NAALADL2: variants seen among roughly 807,000 people sequenced by gnomAD.
NAALADL2 encodes N-acetylated alpha-linked acidic dipeptidase like 2.
In NAALADL2, 76 loss-of-function variants were observed where a neutral mutation model predicts 87.2. That is an observed-to-expected ratio of 0.87 (90% CI 0.72 to 1.05). The LOEUF is 1.05. Ranked by LOEUF, NAALADL2 falls within the 50% of genes least tolerant of loss-of-function variation. The probability of loss-of-function intolerance (pLI) is 0.00; values close to 1 mark genes in which losing one functional copy is unlikely to be tolerated. For missense variants in NAALADL2, 1,089 were observed against 945.8 expected, an observed-to-expected ratio of 1.15 and a Z score of -1.99; for synonymous variants, 354 against 331.0, an observed-to-expected ratio of 1.07 and a Z score of -0.75.
chr3:175,462,021 T>C (rs1218406271), intron 6 of NAALADL2, among the ~76,000 whole-genome samples: 6 of 152,136 alleles, frequency 3.9e-5, no homozygotes, highest in Non-Finnish European at 7.4e-5. Context: ...GATACTATCA[T>C]GATGGATATA....
intron 1 of NAALADL2, among the ~76,000 whole-genome samples, chr3:174,997,058 ATTTTT>A (rs200338062): frequency 7.9e-5 from 10 of 125,970 alleles, no homozygotes; most frequent in South Asian, 2.5e-4. Flanking sequence ...ATATATATAT[ATTTTT>A]TTTTTTAATC....
At chr3:174,570,173 T>A (rs886972640) in intron 2 of NAALADL2, among the ~76,000 whole-genome samples, 4 of 152,114 alleles carry the variant, frequency 2.6e-5, no homozygotes, top group Admixed American at 6.6e-5. Context: ...TTTTTTTGTA[T>A]CTCTGTTCCA....
chr3:175,338,120 T>C (rs952551557), intron 5 of NAALADL2, among the ~76,000 whole-genome samples: 1 of 152,150 alleles, frequency 6.6e-6, no homozygotes, highest in Admixed American at 6.6e-5. Flanking sequence ...GACTAAATTG[T>C]CATGCTTTAG....
At chr3:175,619,269 A>AG (rs1725847229) in intron 10 of NAALADL2, among the ~76,000 whole-genome samples, 1 of 80,802 alleles carries the variant, frequency 1.2e-5, no homozygotes, top group African/African-American at 4.3e-5. Context: ...GGAAGGAAGG[A>AG]GAAGGAAAGA....
At chr3:174,707,581 G>A (rs1730215877) in intron 2 of NAALADL2, among the ~76,000 whole-genome samples, 1 of 149,568 alleles carries the variant, frequency 6.7e-6, no homozygotes, top group African/African-American at 2.5e-5. Flanking sequence ...TCACTCATAG[G>A]TGGGAATTGA....
chr3:174,846,988 A>G (rs369574955), intron 3 of NAALADL2, among the ~76,000 whole-genome samples: 2 of 152,194 alleles, frequency 1.3e-5, no homozygotes, highest in Non-Finnish European at 2.9e-5. Context: ...ATAGAGTTCA[A>G]TGACAGTTAG....
intron 2 of NAALADL2, among the ~76,000 whole-genome samples, chr3:175,188,880 G>T (rs890846585): frequency 1.1e-4 from 16 of 148,484 alleles, no homozygotes; most frequent in Admixed American, 6.0e-4. Flanking sequence ...GCTATGCCCT[G>T]ATCTCCAGGA....
At chr3:174,897,300 G>A (rs1731667249) in intron 1 of NAALADL2, among the ~76,000 whole-genome samples, 1 of 151,820 alleles carries the variant, frequency 6.6e-6, no homozygotes, top group East Asian at 1.9e-4. Context: ...ATTATATAAG[G>A]AGCTCAAACA....
chr3:175,747,401 C>T (rs540983435), intron 12 of NAALADL2, among the ~76,000 whole-genome samples: 1 of 152,276 alleles, frequency 6.6e-6, no homozygotes, highest in South Asian at 2.1e-4. Context: ...TTTTCCTACT[C>T]TTCCATCATA....
At chr3:175,589,682 C>T (rs1266073017) in intron 10 of NAALADL2, among the ~76,000 whole-genome samples, 2 of 151,060 alleles carry the variant, frequency 1.3e-5, no homozygotes, top group African/African-American at 4.9e-5. Context: ...TATAAGAAAC[C>T]TTTTGTTGAG....
At chr3:175,575,077 C>T (rs1718668310) in intron 9 of NAALADL2, among the ~76,000 whole-genome samples, 1 of 151,990 alleles carries the variant, frequency 6.6e-6, no homozygotes, top group Non-Finnish European at 1.5e-5. Flanking sequence ...CGTAAAGCTG[C>T]TGTCATTTGT....
intron 3 of NAALADL2, among the ~76,000 whole-genome samples, chr3:175,242,693 A>G (rs1457611509): frequency 1.3e-5 from 2 of 152,250 alleles, no homozygotes; most frequent in African/African-American, 4.8e-5. Flanking sequence ...TCTCACTAAT[A>G]TAACAAGAAA....
chr3:175,500,312 C>A lies in NAALADL2; in HGVS notation c.1653+28554C>A, dbSNP rs542996113. Among the ~76,000 whole-genome samples, 96 of 152,082 alleles carry A rather than the reference C, an allele frequency of 6.3e-4. 1 individual carries two copies. In the South Asian group the frequency reaches 9.1e-3, roughly 14 times the overall value. ...TGGCTGGAGGAATCTGAGACAATTA[C>A]CTCAAGTAAGGTATTGAAGTAGAGA... On this transcript the variant is annotated intron_variant, in intron 9 of 13. Transcript: ENST00000454872.
chr3:175,385,296 G>A (rs1768242963), intron 5 of NAALADL2, among the ~76,000 whole-genome samples: 1 of 151,954 alleles, frequency 6.6e-6, no homozygotes, highest in Admixed American at 6.6e-5. Flanking sequence ...TTTGATTCTT[G>A]TCTAATCTAC....
chr3:175,078,747 T>G (rs1305688073), intron 1 of NAALADL2, among the ~76,000 whole-genome samples: 1 of 152,258 alleles, frequency 6.6e-6, no homozygotes, highest in Non-Finnish European at 1.5e-5. Context: ...TTCATCCATT[T>G]TTTACTATGT....
At chr3:174,690,155 AT>A (rs1728430216) in intron 2 of NAALADL2, among the ~76,000 whole-genome samples, 1 of 152,170 alleles carries the variant, frequency 6.6e-6, no homozygotes, top group African/African-American at 2.4e-5. Context: ...ATTTCATTAA[AT>A]TATTTAAACA....
chr3:175,703,772 TTAACC>T (rs1408917175), intron 11 of NAALADL2, among the ~76,000 whole-genome samples: 1 of 151,996 alleles, frequency 6.6e-6, no homozygotes, highest in African/African-American at 2.4e-5. Context: ...TAAACAAAAC[TTAACC>T]TAAGTTGTTA....
At chr3:175,304,492 C>A (rs1292200936) in intron 4 of NAALADL2, among the ~76,000 whole-genome samples, 1 of 152,110 alleles carries the variant, frequency 6.6e-6, no homozygotes, top group Non-Finnish European at 1.5e-5. Context: ...ATGACACATG[C>A]CTGTACTCAT....
In NAALADL2 at chr3:175,764,925, G is replaced by T. The variant is rs559965979; in HGVS notation, c.2189+9507G>T. 2.0e-5 allele frequency among the ~76,000 whole-genome samples: 3 copies of T among 152,150 alleles called. No homozygotes were observed. The East Asian group carries it at 5.8e-4, about 29-fold the overall frequency. ...AAGTCCCAAAAGGACCTCATGTTCC[G>T]TGTTTGATTGGGATAATGACTACTT... On this transcript the variant is annotated intron_variant, in intron 13 of 13. Coordinates refer to ENST00000454872, the MANE Select transcript of NAALADL2 (RefSeq NM_207015.3).
Sources: allele counts gnomAD v4.1 joint callset (sites outside exome capture counted in the v4.1 genomes callset), GRCh38; gene constraint gnomAD v4.1.1; transcripts MANE v1.5; gene names NCBI Gene and HGNC (gene_info 2026-07-23, HGNC 2026-07-21).